The following HMBOX1 variants were observed in gnomAD, a reference collection of about 807,000 sequenced individuals.
HMBOX1 encodes homeobox-containing protein 1.
Under a neutral mutation model 54.5 loss-of-function variants are expected in HMBOX1, and 14 were observed. The observed-to-expected ratio is 0.26, with a 90% CI of 0.17 to 0.40. HMBOX1 has a LOEUF of 0.40. HMBOX1 is among the 10% of genes least tolerant of loss of function. HMBOX1 has a pLI of 1.00. For missense variants in HMBOX1, 332 were observed against 514.4 expected, an observed-to-expected ratio of 0.65 and a Z score of 3.43; for synonymous variants, 160 against 181.0, an observed-to-expected ratio of 0.88 and a Z score of 0.93.
intron 1 of HMBOX1, among the ~76,000 whole-genome samples, chr8:28,955,670 G>A (rs1824284722): frequency 6.6e-6 from 1 of 152,058 alleles, no homozygotes; most frequent in Non-Finnish European, 1.5e-5. Flanking sequence ...AAGAAATTGG[G>A]GCTGGGCACG....
At chr8:29,022,642 A>G (rs1342215746) in intron 6 of HMBOX1, among the ~76,000 whole-genome samples, 1 of 152,164 alleles carries the variant, frequency 6.6e-6, no homozygotes, top group Non-Finnish European at 1.5e-5. Flanking sequence ...CCAGGATATA[A>G]CATTAAGTTT....
rs879232267 is a variant in HMBOX1, at chr8:29,049,171, C to G, written c.1125+123C>G. ...GGGAAACAGTCACTGTCCCTCCACT[C>G]TGCTCCTGTGTCTAGTTAGATTTCA... On this transcript the variant is annotated intron_variant, in intron 9 of 9. Coordinates refer to ENST00000287701, the MANE Select transcript of HMBOX1 (RefSeq NM_001135726.3). 258 of 1,489,384 alleles carry G rather than the reference C, an allele frequency of 1.7e-4. 6 individuals are homozygous for G. In the South Asian group the frequency reaches 2.8e-3, roughly 16 times the overall value. 92.3% of individuals were successfully genotyped at this position (1,489,384 alleles called of 1,614,324 possible).
Position 28,960,765 on chromosome 8 carries a change from C to CTTTTTTTTTTTTTT in HMBOX1, c.-57-3020_-57-3007dup, listed in dbSNP as rs1162477676. Among the ~76,000 whole-genome samples, 11 of 16,240 alleles carry CTTTTTTTTTTTTTT rather than the reference C, an allele frequency of 6.8e-4. 1 individual carries two copies. The highest frequency in any genetic ancestry group is 4.0e-3 in the South Asian group (1 of 252). 10.7% of individuals were successfully genotyped at this position (16,240 alleles called of 152,430 possible). ...TTATTCTCTTTTTCTTTTTCTTTTT[C>CTTTTTTTTTTTTTT]TTTTTTTTTTTTTTTTTTTTTTTTT... On this transcript the variant is annotated intron_variant, in intron 1 of 9. Transcript: ENST00000287701.
upstream of HMBOX1, chr8:28,890,188 CTGGGGCCCA>C: frequency 2.4e-6 from 1 of 410,598 alleles, no homozygotes; most frequent in East Asian, 5.1e-5. Flanking sequence ...CCTTACGGGC[CTGGGGCCCA>C]TGGTGTTCTG....
At chr8:28,986,516 C>T (rs1268058275) in intron 4 of HMBOX1, among the ~76,000 whole-genome samples, 2 of 152,024 alleles carry the variant, frequency 1.3e-5, no homozygotes, top group East Asian at 1.9e-4. Flanking sequence ...TGGATTTTAC[C>T]AGTTTTATGT....
chr8:29,009,049 A>G (rs199553853), intron 4 of HMBOX1, 23 bp from the exon 5 acceptor site: 1 of 1,567,612 alleles, frequency 6.4e-7, no homozygotes. Flanking sequence ...TGCCCCCCAA[A>G]ACCTATTTCT....
intron 6 of HMBOX1, among the ~76,000 whole-genome samples, chr8:29,028,176 C>G (rs552778821): frequency 6.6e-6 from 1 of 152,100 alleles, no homozygotes; most frequent in East Asian, 1.9e-4. Context: ...ATTTAAGCAT[C>G]TAAAAATGAG....
intron 5 of HMBOX1, among the ~76,000 whole-genome samples, chr8:29,012,335 G>A (rs181986113): frequency 1.8e-3 from 278 of 152,268 alleles, no homozygotes; most frequent in Non-Finnish European, 3.0e-3. Flanking sequence ...AGTCATTTCA[G>A]ACCTGATTGG....
intron 1 of HMBOX1, among the ~76,000 whole-genome samples, chr8:28,928,359 A>G (rs1818912867): frequency 6.6e-6 from 1 of 152,198 alleles, no homozygotes; most frequent in Non-Finnish European, 1.5e-5. Flanking sequence ...TTTGACAAGT[A>G]TAAGGATCAG....
At chr8:28,928,142 A>G (rs1270129404) in intron 1 of HMBOX1, among the ~76,000 whole-genome samples, 3 of 152,082 alleles carry the variant, frequency 2.0e-5, no homozygotes, top group Admixed American at 2.0e-4. Context: ...TCAAAAAAAA[A>G]AAAGAACTAC....
intron 1 of HMBOX1, among the ~76,000 whole-genome samples, chr8:28,963,440 G>T (rs956839425): frequency 1.3e-5 from 2 of 152,158 alleles, no homozygotes; most frequent in African/African-American, 4.8e-5. Context: ...ATATAATTCA[G>T]TACTGAATAT....
intron 6 of HMBOX1, among the ~76,000 whole-genome samples, chr8:29,024,376 A>G (rs1272656253): frequency 6.6e-6 from 1 of 152,216 alleles, no homozygotes; most frequent in Non-Finnish European, 1.5e-5. Context: ...TGTGCATTCT[A>G]TAATTAAACA....
At chr8:28,916,409 C>T (rs991654149) in intron 1 of HMBOX1, among the ~76,000 whole-genome samples, 1 of 152,144 alleles carries the variant, frequency 6.6e-6, no homozygotes, top group African/African-American at 2.4e-5. Context: ...AGTTTTTCTC[C>T]TGTGTTTTGT....
chr8:29,020,797 T>A (rs1801031095), intron 6 of HMBOX1, among the ~76,000 whole-genome samples: 1 of 152,212 alleles, frequency 6.6e-6, no homozygotes, highest in Non-Finnish European at 1.5e-5. Context: ...ATGACGCATA[T>A]TTTTTTCCTT....
intron 1 of HMBOX1, among the ~76,000 whole-genome samples, chr8:28,946,577 A>AT (rs974830990): frequency 1.2e-3 from 176 of 149,616 alleles, no homozygotes; most frequent in Non-Finnish European, 1.8e-3. Flanking sequence ...CTCAAAAAAA[A>AT]AAAAATATAT....
rs1806439703 is a variant in HMBOX1 at position 29,051,640 on chromosome 8, C to T, written c.*485C>T. 1.1e-5 allele frequency: 8 copies of T among 702,568 alleles called. No homozygotes were observed. The East Asian group carries it at 1.9e-4, about 16-fold the overall frequency. The allele number at this position is 702,568 out of a possible 1,614,324, so 43.5% of individuals were successfully genotyped here. On this transcript the variant is annotated 3_prime_UTR_variant, in exon 10 of 10. Coordinates refer to ENST00000287701, the MANE Select transcript of HMBOX1 (RefSeq NM_001135726.3). ...ACAGAGTCAAAGGAACACTAGAATC[C>T]CCACCTCAGCGTGAGGATAATTGAT...
At chr8:28,911,250 G>T (rs1438556009) in intron 1 of HMBOX1, among the ~76,000 whole-genome samples, 1 of 152,220 alleles carries the variant, frequency 6.6e-6, no homozygotes, top group East Asian at 1.9e-4. Context: ...GAGAAGACCT[G>T]GGGGGAGGGT....
intron 4 of HMBOX1, among the ~76,000 whole-genome samples, chr8:28,999,023 A>C (rs193005859): frequency 6.7e-4 from 102 of 152,278 alleles, no homozygotes; most frequent in Middle Eastern, 6.8e-3. Flanking sequence ...TTATAGACAC[A>C]AAATATTTAA....
chr8:28,926,369 A>G (rs933973193), intron 1 of HMBOX1, among the ~76,000 whole-genome samples: 1 of 152,130 alleles, frequency 6.6e-6, no homozygotes, highest in African/African-American at 2.4e-5. Context: ...AGAAGTAGAT[A>G]GACTAGATGT....
Sources: allele counts gnomAD v4.1 joint callset (sites outside exome capture counted in the v4.1 genomes callset), GRCh38; gene constraint gnomAD v4.1.1; transcripts MANE v1.5; gene names NCBI Gene and HGNC (gene_info 2026-07-23, HGNC 2026-07-21).